CCSER1: variants seen among roughly 807,000 people sequenced by gnomAD.
CCSER1 encodes the protein coiled-coil serine rich protein 1.
CCSER1 carries 41 observed loss-of-function variants against 82.0 expected under a neutral mutation model. That is an observed-to-expected ratio of 0.50 (90% CI 0.39 to 0.65). The LOEUF is 0.65. CCSER1 is among the 30% of genes least tolerant of loss of function. The probability of loss-of-function intolerance (pLI) is 0.00; values close to 1 mark genes in which losing one functional copy is unlikely to be tolerated. For missense variants in CCSER1, 1,119 were observed against 1,064.2 expected, an observed-to-expected ratio of 1.05 and a Z score of -0.72; for synonymous variants, 414 against 383.9, an observed-to-expected ratio of 1.08 and a Z score of -0.92.
At chr4:91,463,568 G>C (rs1756647858) in intron 10 of CCSER1, among the ~76,000 whole-genome samples, 1 of 152,174 alleles carries the variant, frequency 6.6e-6, no homozygotes, top group South Asian at 2.1e-4. Flanking sequence ...GCTAAAGGAG[G>C]AAGTTCGAAC....
intron 9 of CCSER1, among the ~76,000 whole-genome samples, chr4:90,992,143 T>C (rs1305310486): frequency 6.6e-6 from 1 of 152,080 alleles, no homozygotes; most frequent in Non-Finnish European, 1.5e-5. Flanking sequence ...TATGATAAAA[T>C]TCTGCCAAAC....
chr4:90,605,089 G>A (rs1468248188), intron 5 of CCSER1, among the ~76,000 whole-genome samples: 1 of 152,216 alleles, frequency 6.6e-6, no homozygotes, highest in Non-Finnish European at 1.5e-5. Flanking sequence ...GCCTTTATGA[G>A]CTGTAATGTT....
chr4:91,322,944 T>C (rs1311631010), intron 10 of CCSER1, among the ~76,000 whole-genome samples: 2 of 152,184 alleles, frequency 1.3e-5, no homozygotes, highest in Non-Finnish European at 2.9e-5. Flanking sequence ...TTCAGTCTGA[T>C]ATCAGAAAAA....
chr4:90,359,879 GTATATATATGTGTGTGTGTATA>G (rs1561092165), intron 3 of CCSER1, among the ~76,000 whole-genome samples: 2 of 145,186 alleles, frequency 1.4e-5, no homozygotes, highest in African/African-American at 5.1e-5. Flanking sequence ...ATATATGTGT[GTATATATATGTGTGTGTGTATA>G]TATATATATA....
At chr4:91,103,830 C>T (rs1251419951) in intron 10 of CCSER1, among the ~76,000 whole-genome samples, 3 of 151,980 alleles carry the variant, frequency 2.0e-5, no homozygotes, top group South Asian at 4.2e-4. Flanking sequence ...GGAAAGACAA[C>T]CATAAGGTGT....
chr4:91,006,690 A>G (rs898511744), intron 9 of CCSER1, among the ~76,000 whole-genome samples: 1 of 151,850 alleles, frequency 6.6e-6, no homozygotes, highest in African/African-American at 2.4e-5. Flanking sequence ...GCGGGGTTTC[A>G]TCATGTTAGC....
intron 10 of CCSER1, among the ~76,000 whole-genome samples, chr4:91,152,732 A>C (rs1186734832): frequency 1.3e-5 from 2 of 148,698 alleles, no homozygotes; most frequent in Non-Finnish European, 3.1e-5. Context: ...AAAATCTCTC[A>C]GCATTTGCTT....
chr4:90,571,526 T>C (rs1480118312), intron 5 of CCSER1, among the ~76,000 whole-genome samples: 1 of 152,164 alleles, frequency 6.6e-6, no homozygotes, highest in East Asian at 1.9e-4. Context: ...TTCTTATGTA[T>C]AAGTGGGACT....
rs192894278 is a variant in CCSER1, at chr4:91,396,411, T to G, written c.2218-202161T>G. On this transcript the variant is annotated intron_variant, in intron 10 of 10. Transcript: ENST00000509176. ...CTGGAACTTAGTAAGCTATCACTTA[T>G]GTATTTATGAGATTTGCTGTGATAG... 4.2e-4 allele frequency among the ~76,000 whole-genome samples: 64 copies of G among 152,272 alleles called. 2 individuals are homozygous for G. The East Asian group carries it at 0.012, about 29-fold the overall frequency.
chr4:91,287,882 G>A (rs2149213554), intron 10 of CCSER1, among the ~76,000 whole-genome samples: 1 of 151,726 alleles, frequency 6.6e-6, no homozygotes, highest in African/African-American at 2.4e-5. Flanking sequence ...GGCAAATTCT[G>A]AATATTGCCT....
At chr4:90,817,871 C>G (rs1244151790) in intron 8 of CCSER1, among the ~76,000 whole-genome samples, 3 of 152,140 alleles carry the variant, frequency 2.0e-5, no homozygotes, top group Non-Finnish European at 4.4e-5. Flanking sequence ...TAATAAATAA[C>G]TTGTGACATT....
At chr4:91,317,776 C>T (rs1212992205) in intron 10 of CCSER1, among the ~76,000 whole-genome samples, 6 of 151,762 alleles carry the variant, frequency 4.0e-5, no homozygotes, top group Non-Finnish European at 5.9e-5. Flanking sequence ...ACGATGCTTT[C>T]CCAGAATAGC....
intron 10 of CCSER1, among the ~76,000 whole-genome samples, chr4:91,089,987 A>G (rs983349557): frequency 6.6e-6 from 1 of 152,210 alleles, no homozygotes; most frequent in African/African-American, 2.4e-5. Context: ...CTGGGCAAGA[A>G]CAGTCAAGAC....
At chr4:91,347,930 T>G (rs1041248785) in intron 10 of CCSER1, among the ~76,000 whole-genome samples, 6 of 152,026 alleles carry the variant, frequency 3.9e-5, no homozygotes, top group African/African-American at 4.8e-5. Context: ...AAAGACAGTT[T>G]TATTTCTTCC....
At chr4:91,539,472 A>G (rs754448619) in intron 10 of CCSER1, among the ~76,000 whole-genome samples, 4 of 152,080 alleles carry the variant, frequency 2.6e-5, no homozygotes, top group Non-Finnish European at 4.4e-5. Flanking sequence ...AGAGTTTTTA[A>G]GTGCTGCTAT....
chr4:90,910,343 T>C (rs1726146891), intron 8 of CCSER1, among the ~76,000 whole-genome samples: 1 of 152,196 alleles, frequency 6.6e-6, no homozygotes, highest in African/African-American at 2.4e-5. Flanking sequence ...CTACATATCC[T>C]TTACATCTAG....
chr4:91,169,164 C>T (rs550378667), intron 10 of CCSER1, among the ~76,000 whole-genome samples: 14 of 148,964 alleles, frequency 9.4e-5, no homozygotes, highest in African/African-American at 3.2e-4. Context: ...GCCACATCCC[C>T]CTCTCCGAGA....
intron 9 of CCSER1, among the ~76,000 whole-genome samples, chr4:90,932,982 G>GAAAGAAAGAGAAAGAA (rs771267852): frequency 5.3e-5 from 1 of 18,862 alleles, no homozygotes; most frequent in East Asian, 9.2e-4. Flanking sequence ...AAGAAAGAAA[G>GAAAGAAAGAGAAAGAA]AGAAAGAAAG....
intron 1 of CCSER1, among the ~76,000 whole-genome samples, chr4:90,290,022 T>C (rs990484214): frequency 6.6e-6 from 1 of 151,884 alleles, no homozygotes; most frequent in African/African-American, 2.4e-5. Context: ...TAGGTATACA[T>C]ATTTTTAGGG....
Sources: gnomAD v4.1 joint callset for allele counts (sites outside exome capture counted in the v4.1 genomes callset) on GRCh38, gnomAD v4.1.1 for gene constraint, MANE v1.5 for transcripts, NCBI Gene and HGNC (gene_info 2026-07-23, HGNC 2026-07-21) for gene names.